The following THRB variants were observed in gnomAD, a reference collection of about 807,000 sequenced individuals.
The protein encoded by THRB is nuclear receptor subfamily 1 group A member 2.
In THRB, 12 loss-of-function variants were observed where a neutral mutation model predicts 47.8. The observed-to-expected ratio is 0.25, with a 90% CI of 0.16 to 0.41. The LOEUF (loss-of-function observed/expected upper bound fraction) is 0.41, where lower values mean the gene tolerates loss of function less well. THRB is among the 10% of genes least tolerant of loss of function. THRB has a pLI of 1.00. For missense variants in THRB, 348 were observed against 589.2 expected (o/e 0.59, Z 4.24); for synonymous variants, 218 against 212.2 (o/e 1.03, Z -0.24).
At chr3:24,481,185 G>T (rs1380190419) in intron 1 of THRB, among the ~76,000 whole-genome samples, 1 of 141,976 alleles carries the variant, frequency 7.0e-6, no homozygotes, top group African/African-American at 2.7e-5. Context: ...GAATTGAGAA[G>T]ATCGTCTATC....
intron 1 of THRB, among the ~76,000 whole-genome samples, chr3:24,476,747 T>C (rs542396290): frequency 1.5e-4 from 23 of 152,314 alleles, no homozygotes; most frequent in Non-Finnish European, 2.8e-4. Context: ...GGTATGGTTT[T>C]TGGGATTTTG....
intron 4 of THRB, among the ~76,000 whole-genome samples, chr3:24,197,092 C>G (rs2044041973): frequency 6.6e-6 from 1 of 152,150 alleles, no homozygotes; most frequent in Non-Finnish European, 1.5e-5. Context: ...TATTTATTGT[C>G]CTCTCATAAC....
At chr3:24,451,001 A>G (rs6781559) in intron 1 of THRB, among the ~76,000 whole-genome samples, 60,825 of 152,040 alleles carry the variant, frequency 0.4, 13,271 homozygotes, top group African/African-American at 0.57. Context: ...TGTAAATAAT[A>G]TAACTTTTAA....
At position 24,120,510 on chromosome 3, in the gene THRB, C is replaced by CT. The variant is rs1324464396; in HGVS notation, c.*2373dup. On this transcript the variant is annotated 3_prime_UTR_variant, in exon 11 of 11. Coordinates refer to ENST00000646209, the MANE Select transcript of THRB (RefSeq NM_001354712.2). The stretch of plus-strand genomic sequence containing the variant: ...GACCCTGTCAAACAAAATGAGGAAA[C>CT]TTTCCCCAGAAGGCCTGACGCTGCA... The CT allele has an allele frequency of 6.6e-6, 1 of 152,264 alleles. No individual in the cohort carries two copies. The highest frequency in any genetic ancestry group is 2.4e-5 in the African/African-American group (1 of 41,472). 9.4% of individuals were successfully genotyped at this position (152,264 alleles called of 1,614,324 possible).
intron 1 of THRB, among the ~76,000 whole-genome samples, chr3:24,408,770 A>G (rs1232020835): frequency 6.6e-6 from 1 of 151,864 alleles, no homozygotes; most frequent in Non-Finnish European, 1.5e-5. Flanking sequence ...TCCAACCAAC[A>G]AGACACATTT....
At chr3:24,218,340 C>CTTTT (rs545127528) in intron 4 of THRB, among the ~76,000 whole-genome samples, 355 of 117,128 alleles carry the variant, frequency 3.0e-3, no homozygotes, top group East Asian at 0.012. Flanking sequence ...CTCTCTCTCT[C>CTTTT]TCTTTTTTTT....
chr3:24,397,142 T>C (rs2067024279), intron 1 of THRB, among the ~76,000 whole-genome samples: 2 of 152,142 alleles, frequency 1.3e-5, no homozygotes, highest in East Asian at 3.9e-4. Flanking sequence ...TTTAAAACAT[T>C]CAGATGTTGT....
intron 1 of THRB, among the ~76,000 whole-genome samples, chr3:24,455,696 C>A (rs1457826459): frequency 1.3e-5 from 2 of 152,118 alleles, no homozygotes; most frequent in Admixed American, 6.6e-5. Flanking sequence ...GTTTAAATTG[C>A]CTAAAAGAAT....
chr3:24,187,328 G>A (rs1342116205), intron 5 of THRB, among the ~76,000 whole-genome samples: 1 of 152,214 alleles, frequency 6.6e-6, no homozygotes, highest in East Asian at 1.9e-4. Context: ...TTGCAGAAGA[G>A]TGCCAGTCCC....
chr3:24,203,929 C>G (rs186856133), intron 4 of THRB, among the ~76,000 whole-genome samples: 1 of 152,330 alleles, frequency 6.6e-6, no homozygotes, highest in East Asian at 1.9e-4. Flanking sequence ...AGTCTGAGAT[C>G]AAACTGCAAG....
intron 1 of THRB, among the ~76,000 whole-genome samples, chr3:24,406,873 C>T (rs993482482): frequency 5.9e-5 from 9 of 151,740 alleles, no homozygotes; most frequent in Non-Finnish European, 1.2e-4. Flanking sequence ...CAGTGAAGTG[C>T]CATCCAACCA....
At chr3:24,297,146 G>T (rs1204103473) in intron 3 of THRB, 80 bp downstream of exon 3, 1 of 152,112 alleles carries the variant, frequency 6.6e-6, no homozygotes, top group Non-Finnish European at 1.5e-5. Context: ...TAAGTGATGA[G>T]TGAGTAATAG....
At chr3:24,135,299 G>A (rs1044309976) in intron 8 of THRB, among the ~76,000 whole-genome samples, 1 of 152,218 alleles carries the variant, frequency 6.6e-6, no homozygotes, top group Non-Finnish European at 1.5e-5. Flanking sequence ...CAGCCCAGGA[G>A]TCATGCTTAC....
At chr3:24,207,700 A>C (rs956926853) in intron 4 of THRB, among the ~76,000 whole-genome samples, 11 of 152,130 alleles carry the variant, frequency 7.2e-5, no homozygotes, top group African/African-American at 2.7e-4. Context: ...AAACAGCTGC[A>C]CTCTGCCAGC....
Position 24,481,229 on chromosome 3 carries a change from G to GTTTTTTTTTTTTTTTTTTTTTTTTTTTTT in THRB, c.-261+13422_-261+13423insAAAAAAAAAAAAAAAAAAAAAAAAAAAAA, listed in dbSNP as rs746323691. Reference sequence around the variant, plus strand: ...TATATGTGTGGATGCGTTTCTTTCTGTTTTTTTTTTTTTTTTTTTTTTTTT... The same window carrying GTTTTTTTTTTTTTTTTTTTTTTTTTTTTT: ...TATATGTGTGGATGCGTTTCTTTCTGTTTTTTTTTTTTTTTTTTTTTTTTTTTTTTTTTTTTTTTTTTTTTTTTTTTTTT... On this transcript the variant is annotated intron_variant, in intron 1 of 10. Coordinates refer to ENST00000646209, the MANE Select transcript of THRB (RefSeq NM_001354712.2). 3.8e-4 allele frequency among the ~76,000 whole-genome samples: 21 copies of GTTTTTTTTTTTTTTTTTTTTTTTTTTTTT among 55,368 alleles called. 2 individuals are homozygous for GTTTTTTTTTTTTTTTTTTTTTTTTTTTTT. The highest frequency in any genetic ancestry group is 1.3e-3 in the African/African-American group (17 of 13,076). The allele number at this position is 55,368 out of a possible 152,430, so 36.3% of individuals were successfully genotyped here.
At chr3:24,275,495 T>A (rs2053819451) in intron 3 of THRB, among the ~76,000 whole-genome samples, 1 of 152,210 alleles carries the variant, frequency 6.6e-6, no homozygotes, top group African/African-American at 2.4e-5. Context: ...TTTGACAGTT[T>A]TCTTCTAAGG....
chr3:24,486,884 T>C (rs1697380645), intron 1 of THRB, among the ~76,000 whole-genome samples: 1 of 152,250 alleles, frequency 6.6e-6, no homozygotes, highest in Non-Finnish European at 1.5e-5. Context: ...ATATAGGTAC[T>C]TTATTCTAGA....
chr3:24,456,308 C>G (rs2073168291), intron 1 of THRB, among the ~76,000 whole-genome samples: 1 of 150,858 alleles, frequency 6.6e-6, no homozygotes, highest in East Asian at 1.9e-4. Context: ...GTAATCCAGT[C>G]TGGATGACAG....
intron 1 of THRB, among the ~76,000 whole-genome samples, chr3:24,420,217 G>C (rs997686852): frequency 6.6e-6 from 1 of 151,900 alleles, no homozygotes; most frequent in Non-Finnish European, 1.5e-5. Context: ...GTGAGGTCCA[G>C]TGAAAAACAA....
Sources: allele counts gnomAD v4.1 joint callset (sites outside exome capture counted in the v4.1 genomes callset), GRCh38; gene constraint gnomAD v4.1.1; transcripts MANE v1.5; gene names NCBI Gene and HGNC (gene_info 2026-07-23, HGNC 2026-07-21).